The following NFIB variants were observed in gnomAD, a reference collection of about 807,000 sequenced individuals.
The protein encoded by NFIB is nuclear factor 1 B-type.
In NFIB, 11 loss-of-function variants were observed where a neutral mutation model predicts 61.5. The ratio of observed to expected loss-of-function variants is 0.18; its 90% confidence interval spans 0.11 to 0.30. The LOEUF is 0.30. Among genes scored for constraint, NFIB ranks in the 10% least tolerant of loss-of-function variants. The probability of loss-of-function intolerance (pLI) is 1.00; values close to 1 mark genes in which losing one functional copy is unlikely to be tolerated. For missense variants in NFIB, 471 were observed against 608.9 expected (o/e 0.77, Z 2.38); for synonymous variants, 260 against 216.5 (o/e 1.20, Z -1.76).
At position 14,291,357 on chromosome 9, in the gene NFIB, C is replaced by A. The variant is rs558411374; in HGVS notation, c.562+15632G>T. On this transcript the variant is annotated intron_variant, in intron 2 of 10. Coordinates refer to ENST00000380953, the MANE Select transcript of NFIB (RefSeq NM_001190737.2). Reference sequence around the variant, plus strand: ...AAAATTAGCCAGGTGTGGTGGTATGCACCTGTAATCCCAGCTACTTGGGAG... The same window carrying A: ...AAAATTAGCCAGGTGTGGTGGTATGAACCTGTAATCCCAGCTACTTGGGAG... 2.0e-5 allele frequency among the ~76,000 whole-genome samples: 3 copies of A among 152,008 alleles called. No individual in the cohort carries two copies. In the East Asian group the frequency reaches 5.8e-4, roughly 29 times the overall value.
chr9:14,236,344 A>G (rs1195812043), intron 2 of NFIB, among the ~76,000 whole-genome samples: 1 of 152,216 alleles, frequency 6.6e-6, no homozygotes, highest in Non-Finnish European at 1.5e-5. Flanking sequence ...ATTTCATCAT[A>G]GTGGTCAGTA....
the NFIB span, among the ~76,000 whole-genome samples, chr9:14,518,829 C>T: frequency 1.3e-5 from 2 of 152,072 alleles, no homozygotes; most frequent in Admixed American, 6.5e-5. Flanking sequence ...GAACCTCAGG[C>T]CATATTTCCA....
chr9:14,273,880 T>C (rs2057802079), intron 2 of NFIB, among the ~76,000 whole-genome samples: 1 of 152,192 alleles, frequency 6.6e-6, no homozygotes, highest in South Asian at 2.1e-4. Context: ...AGGCTTTTGG[T>C]GCCCCCGAAA....
chr9:14,315,081 G>A (rs960177473), upstream of NFIB, among the ~76,000 whole-genome samples: 5 of 152,124 alleles, frequency 3.3e-5, 1 homozygote, highest in Non-Finnish European at 7.4e-5. Context: ...CGGGAAAAGG[G>A]GGAGGCCGAG....
chr9:14,133,780 G>A (rs1481592096), intron 6 of NFIB, among the ~76,000 whole-genome samples: 1 of 152,200 alleles, frequency 6.6e-6, no homozygotes, highest in African/African-American at 2.4e-5. Context: ...TAGCCTGCCA[G>A]ATACTTAAGA....
chr9:14,227,655 C>G (rs2052601294), intron 2 of NFIB, among the ~76,000 whole-genome samples: 1 of 151,978 alleles, frequency 6.6e-6, no homozygotes, highest in Non-Finnish European at 1.5e-5. Context: ...TAATAACCAC[C>G]CCTTACATAT....
chr9:14,208,340 G>A (rs1219083625), intron 2 of NFIB, among the ~76,000 whole-genome samples: 1 of 151,862 alleles, frequency 6.6e-6, no homozygotes, highest in African/African-American at 2.4e-5. Flanking sequence ...AGGTTAAATT[G>A]TACTAAAAAA....
chr9:14,104,167 C>A (rs930414140), intron 10 of NFIB, among the ~76,000 whole-genome samples: 2 of 151,998 alleles, frequency 1.3e-5, no homozygotes, highest in African/African-American at 4.8e-5. Flanking sequence ...CCCACCTCAG[C>A]CTCCTAAAGT....
At position 14,396,074 on chromosome 9, in the gene NFIB, C is replaced by T. The variant is rs1477486637; in HGVS notation, c.108+2450G>A. 5.9e-5 allele frequency among the ~76,000 whole-genome samples: 9 copies of T among 151,966 alleles called. No individual in the cohort carries two copies. The South Asian group carries it at 8.3e-4, about 14-fold the overall frequency. On this transcript the variant is annotated intron_variant, in intron 1 of 8. Transcript: ENST00000380934. ...GAATGAACCCAGAGGCTTTTGCAGC[C>T]GATTCCTATATCTATATTGATTTAT...
the NFIB span, among the ~76,000 whole-genome samples, chr9:14,455,722 C>G: frequency 6.6e-6 from 1 of 152,126 alleles, no homozygotes; most frequent in African/African-American, 2.4e-5. Context: ...GGAAGCTATA[C>G]ATTCAAAGTG....
chr9:14,318,070 C>G (rs1235209642), upstream of NFIB, among the ~76,000 whole-genome samples: 2 of 152,148 alleles, frequency 1.3e-5, no homozygotes, highest in Non-Finnish European at 2.9e-5. Context: ...GTGTGACAGG[C>G]CACTTTCATT....
In NFIB at chr9:14,167,761, C is replaced by A. The variant is rs533533112; in HGVS notation, c.617-11868G>T. On this transcript the variant is annotated intron_variant, in intron 3 of 10. Transcript: ENST00000380953. ...TTTTGAAGGTATGAATTACAACAGT[C>A]AGGTATTTTTTTGCAGCTTCTAGAA... Among the ~76,000 whole-genome samples, 10 of 152,264 alleles carry A rather than the reference C, an allele frequency of 6.6e-5. No individual in the cohort carries two copies. In the East Asian group the frequency reaches 1.5e-3, roughly 24 times the overall value.
the NFIB span, among the ~76,000 whole-genome samples, chr9:14,433,180 G>A: frequency 1.3e-5 from 2 of 152,016 alleles, no homozygotes. Context: ...TTTAAGTCCT[G>A]GAGAAAGGCC....
At chr9:14,205,955 A>T (rs2049643473) in intron 2 of NFIB, among the ~76,000 whole-genome samples, 1 of 150,140 alleles carries the variant, frequency 6.7e-6, no homozygotes, top group Non-Finnish European at 1.5e-5. Context: ...ACACACACAC[A>T]CTTTTCCTGG....
chr9:14,268,570 C>A (rs1194080991), intron 2 of NFIB, among the ~76,000 whole-genome samples: 1 of 152,214 alleles, frequency 6.6e-6, no homozygotes, highest in East Asian at 1.9e-4. Flanking sequence ...CGGTGCTCAT[C>A]TTTCAAGCTC....
upstream of NFIB, chr9:14,317,382 C>A (rs2060567318): frequency 6.6e-6 from 1 of 152,266 alleles, no homozygotes; most frequent in Non-Finnish European, 1.5e-5. Context: ...CTGGGGCCTC[C>A]CAGGCCCATC....
chr9:14,509,460 T>G, the NFIB span, among the ~76,000 whole-genome samples: 1 of 152,210 alleles, frequency 6.6e-6, no homozygotes, highest in African/African-American at 2.4e-5. Context: ...GTGAAAAACT[T>G]AGATCTCCCA....
intron 1 of NFIB, among the ~76,000 whole-genome samples, chr9:14,395,499 C>T (rs924016654): frequency 6.6e-6 from 1 of 151,898 alleles, no homozygotes; most frequent in Non-Finnish European, 1.5e-5. Context: ...GCCTACAGGA[C>T]ATGAAGCCAC....
At chr9:14,365,028 G>A (rs1284459791) in intron 1 of NFIB, among the ~76,000 whole-genome samples, 3 of 152,256 alleles carry the variant, frequency 2.0e-5, no homozygotes, top group East Asian at 3.9e-4. Context: ...CATTTTCATT[G>A]TCTGTAAAAT....
Sources: allele counts gnomAD v4.1 joint callset (sites outside exome capture counted in the v4.1 genomes callset), GRCh38; gene constraint gnomAD v4.1.1; transcripts MANE v1.5; gene names NCBI Gene and HGNC (gene_info 2026-07-23, HGNC 2026-07-21).